The following STK11IP variants were observed in gnomAD, a reference collection of about 807,000 sequenced individuals.
The protein encoded by STK11IP is serine/threonine-protein kinase 11-interacting protein.
STK11IP carries 103 observed loss-of-function variants against 131.7 expected under a neutral mutation model. The observed-to-expected ratio is 0.78, with a 90% CI of 0.67 to 0.92. The LOEUF is 0.92. Among genes scored for constraint, STK11IP ranks in the 40% least tolerant of loss-of-function variants. The pLI is 0.00. For synonymous variants in STK11IP, 557 were observed against 575.6 expected (o/e 0.97, Z 0.46); for missense variants, 1,315 against 1,385.7 (o/e 0.95, Z 0.81).
At chr2:219,604,944 C>G (rs1372954449) in intron 7 of STK11IP, among the ~76,000 whole-genome samples, 2 of 152,140 alleles carry the variant, frequency 1.3e-5, no homozygotes, top group African/African-American at 4.8e-5. Flanking sequence ...ATTCTCCTGC[C>G]TCAGCCTCCC....
At chr2:219,614,603 G>A in intron 23 of STK11IP, 57 bp downstream of exon 23, 1 of 1,562,800 alleles carries the variant, frequency 6.4e-7, no homozygotes, top group Non-Finnish European at 8.8e-7. Context: ...CTTGTCACAG[G>A]CACTGGCCCA....
At chr2:219,612,169 G>C in intron 19 of STK11IP, 111 bp downstream of exon 19, 2 of 961,070 alleles carry the variant, frequency 2.1e-6, no homozygotes, top group Admixed American at 4.5e-5. Flanking sequence ...TCTGGCTTCT[G>C]GTTTCAACCC....
At position 219,605,632 on chromosome 2, in the gene STK11IP, G is replaced by A; in HGVS notation, c.643G>A (p.Asp215Asn). 6.4e-7 allele frequency: 1 copy of A among 1,552,414 alleles called. No homozygotes were observed. The change falls in exon 8 of 25, where the codon GAC becomes AAC. Residue 215 changes from aspartate (D) to asparagine (N), a missense_variant. Transcript: ENST00000456909. ...LMDLCELHHLDISYNRLHLVP... is the reference protein window; with the variant it reads ...LMDLCELHHLNISYNRLHLVP... Reference sequence around the variant, plus strand: ...GGATTTGTGTGAGCTCCACCATCTGGACATCTCCTATAATCGCCTGCATTT... The same window carrying A: ...GGATTTGTGTGAGCTCCACCATCTGAACATCTCCTATAATCGCCTGCATTT...
intron 13 of STK11IP, among the ~76,000 whole-genome samples, chr2:219,607,769 G>A (rs1046095840): frequency 2.0e-5 from 3 of 152,240 alleles, no homozygotes; most frequent in African/African-American, 7.2e-5. Flanking sequence ...AAGAGAAATA[G>A]GTGTGTCAGC....
In STK11IP at chr2:219,606,488, G is replaced by A. The variant is rs1329881567; in HGVS notation, c.958G>A (p.Gly320Ser). 1 of 1,612,520 alleles carries A rather than the reference G, an allele frequency of 6.2e-7. No homozygotes were observed. The part of the protein sequence containing the change: ...RDAATGFLLD[G>S]KVLSLTDFQT... ...TGTCTTTGCTCAGTTCCTTCTCGAT[G>A]GCAAGGTCTTGTCACTGACAGATTT... The change falls in exon 11 of 25, where the codon GGC (glycine) becomes AGC (serine). Residue 320 changes from glycine to serine, a missense_variant. Coordinates refer to ENST00000456909, the MANE Select transcript of STK11IP (RefSeq NM_052902.4).
intron 19 of STK11IP, among the ~76,000 whole-genome samples, chr2:219,612,684 T>G (rs1182478677): frequency 2.0e-5 from 3 of 152,104 alleles, no homozygotes; most frequent in Non-Finnish European, 4.4e-5. Context: ...CTGCCCAGGA[T>G]GAGGGCACCT....
chr2:219,600,888 G>C (rs1171402730), intron 2 of STK11IP, among the ~76,000 whole-genome samples: 13 of 152,200 alleles, frequency 8.5e-5, no homozygotes, highest in Admixed American at 8.5e-4. Flanking sequence ...GCGGTGGAAG[G>C]GGGTGTCTCA....
chr2:219,615,446 G>C lies in STK11IP; in HGVS notation c.3117+105G>C. ...ATGGGTCTAGGAACCCTGGGCATTG[G>C]TGGCAGGATGGCACTTACAGATGAG... On this transcript the variant is annotated intron_variant, in intron 24 of 24. Transcript: ENST00000456909. 4 of 1,433,748 alleles carry C rather than the reference G, an allele frequency of 2.8e-6. No individual in the cohort carries two copies. The South Asian group carries it at 5.5e-5, about 20-fold the overall frequency. The allele number at this position is 1,433,748 out of a possible 1,614,324, so 88.8% of individuals were successfully genotyped here.
At chr2:219,614,415 CTCTCT>C (rs1321201736) in intron 22 of STK11IP, 56 bp from the exon 23 acceptor site, 44 of 1,582,352 alleles carry the variant, frequency 2.8e-5, no homozygotes, top group African/African-American at 6.7e-5. Flanking sequence ...TCCCACTCCC[CTCTCT>C]TCAAGTCCTT....
rs1312362701 is a variant in STK11IP, at chr2:219,605,748, T to A, written c.745+14T>A. 1 of 1,594,450 alleles carries A rather than the reference T, an allele frequency of 6.3e-7. No homozygotes were observed. On this transcript the variant is annotated intron_variant, in intron 8 of 24. Coordinates refer to ENST00000456909, the MANE Select transcript of STK11IP (RefSeq NM_052902.4). ...GGAGCCTGCATGGTGAGTGGGGGTG[T>A]GTGATGGGGCAAGCATGGAGGGGAA...
chr2:219,601,682 G>A lies in STK11IP; in HGVS notation c.309G>A (p.Lys103=), dbSNP rs1190596857. Residue 103 remains lysine (K), a synonymous_variant, in exon 4 of 25, where the codon AAG becomes AAA. Transcript: ENST00000456909. The part of the protein sequence containing the change: ...VAGPGPTGPI[K]IFPFKSLRHL... ...GTCCTGGCCCCACAGGGCCCATCAA[G>A]ATTTTCCCCTTCAAATCCCTTCGGC... 3.1e-6 allele frequency: 5 copies of A among 1,602,914 alleles called. No homozygotes were observed. The highest frequency in any genetic ancestry group is 4.3e-6 in the Non-Finnish European group (5 of 1,175,174).
At chr2:219,602,394 G>C (rs1258808222) in intron 5 of STK11IP, 74 bp from the exon 6 acceptor site, 17 of 1,104,560 alleles carry the variant, frequency 1.5e-5, no homozygotes, top group Non-Finnish European at 2.2e-5. Flanking sequence ...ATGAGTGACT[G>C]GGTGGTAGAG....
At chr2:219,601,507 G>T (rs549914863) in intron 3 of STK11IP, 67 bp downstream of exon 3, 1,366 of 1,580,416 alleles carry the variant, frequency 8.6e-4, no homozygotes, top group Non-Finnish European at 1.1e-3. Flanking sequence ...TTGGGGATAG[G>T]GTAGGGGTGC....
chr2:219,599,085 TTTTC>T (rs1429559447), intron 2 of STK11IP, among the ~76,000 whole-genome samples: 1 of 152,174 alleles, frequency 6.6e-6, no homozygotes, highest in Admixed American at 6.5e-5. Flanking sequence ...AGCAGTTTTC[TTTTC>T]TTTCTTTTCT....
chr2:219,602,327 C>T, intron 5 of STK11IP, 141 bp from the exon 6 acceptor site: 3 of 691,250 alleles, frequency 4.3e-6, no homozygotes, highest in Non-Finnish European at 7.3e-6. Context: ...GTTCTTGGGT[C>T]AGGGACCTGG....
At chr2:219,604,542 C>T (rs1339134685) in intron 7 of STK11IP, among the ~76,000 whole-genome samples, 3 of 152,086 alleles carry the variant, frequency 2.0e-5, no homozygotes, top group Admixed American at 2.0e-4. Flanking sequence ...GTGAGAGTGA[C>T]CAGGCATTTA....
In STK11IP at chr2:219,607,106, G is replaced by A. The variant is rs369532032; in HGVS notation, c.1188G>A (p.Pro396=). The change falls in exon 13 of 25, where the codon CCG becomes CCA. Residue 396 remains proline (P), a synonymous_variant. Coordinates refer to ENST00000456909, the MANE Select transcript of STK11IP (RefSeq NM_052902.4). ...ASISEPSDTD[P]EPRTLNPSPA... ...TCTCTGAACCCAGTGATACGGACCCGGAGCCCCGAACTCTGAACCCCTCTC... is the reference window on the plus strand; with the variant it reads ...TCTCTGAACCCAGTGATACGGACCCAGAGCCCCGAACTCTGAACCCCTCTC... 22 of 1,613,746 alleles carry A rather than the reference G, an allele frequency of 1.4e-5. No individual in the cohort carries two copies. The highest frequency in any genetic ancestry group is 1.6e-4 in the Middle Eastern group (1 of 6,084).
intron 7 of STK11IP, among the ~76,000 whole-genome samples, chr2:219,604,731 A>G (rs1238006269): frequency 1.3e-5 from 2 of 152,126 alleles, no homozygotes; most frequent in African/African-American, 4.8e-5. Context: ...CTTCGTTTGT[A>G]GTTTGAATGT....
At chr2:219,611,435 C>G (rs1289849259) in intron 17 of STK11IP, among the ~76,000 whole-genome samples, 169 bp from the exon 18 acceptor site, 1 of 152,088 alleles carries the variant, frequency 6.6e-6, no homozygotes, top group African/African-American at 2.4e-5. Flanking sequence ...GATCAGTTGG[C>G]AGCTGTGCCG....
Sources: gnomAD v4.1 joint callset for allele counts (sites outside exome capture counted in the v4.1 genomes callset) on GRCh38, gnomAD v4.1.1 for gene constraint, MANE v1.5 for transcripts, NCBI Gene and HGNC (gene_info 2026-07-23, HGNC 2026-07-21) for gene names.